Variants in CDAN1 observed in about 807,000 individuals in gnomAD.
CDAN1 encodes the protein codanin-1.
CDAN1 carries 107 observed loss-of-function variants against 139.8 expected under a neutral mutation model. That is an observed-to-expected ratio of 0.77 (90% CI 0.65 to 0.90). The LOEUF (loss-of-function observed/expected upper bound fraction) is 0.90, where lower values mean the gene tolerates loss of function less well. Ranked by LOEUF, CDAN1 falls within the 40% of genes least tolerant of loss-of-function variation. The pLI, the probability that CDAN1 is intolerant of heterozygous loss-of-function variation, is 0.00. For missense variants in CDAN1, 1,667 were observed against 1,575.7 expected (o/e 1.06, Z -0.98); for synonymous variants, 776 against 660.6 (o/e 1.17, Z -2.68).
In CDAN1 at chr15:42,737,088, C is replaced by A; in HGVS notation, c.15G>T (p.Leu5Phe). Residue 5 changes from leucine to phenylalanine, a missense_variant, in exon 1 of 28, where the codon TTG becomes TTT. By Grantham distance (22) the Leu-to-Phe change is conservative. Around this residue, in one of 3 missense-constraint regions of CDAN1, gnomAD observed 487 missense variants for 422.2 expected, o/e 1.15. Transcript: ENST00000356231. MAAVLESLLREEVSV... is the reference protein window; with the variant it reads MAAVFESLLREEVSV... ...ACACCTCTTCTCGCAGCAGCGACTC[C>A]AAAACGGCCGCCATCCCGGTCGGGG... 1 of 1,519,864 alleles carries A rather than the reference C, an allele frequency of 6.6e-7. No homozygotes were observed. 94.1% of individuals were successfully genotyped at this position (1,519,864 alleles called of 1,614,324 possible).
chr15:42,728,205 GCTGCCGGGGT>G lies in CDAN1; in HGVS notation c.2857_2866del (p.Thr953ProfsTer3). 6.2e-7 allele frequency: 1 copy of G among 1,613,484 alleles called. No homozygotes were observed. The highest frequency in any genetic ancestry group is 8.5e-7 in the Non-Finnish European group (1 of 1,179,912). On this transcript the variant is annotated frameshift_variant and splice_region_variant, in exon 21 of 28. Transcript: ENST00000356231. LOFTEE classifies it high-confidence loss of function. The stretch of plus-strand genomic sequence containing the variant: ...GCTGCAGGCCTCCCTCACACGTACG[GCTGCCGGGGT>G]CTCCTCTGGAAGCAGCGCCCGCACA...
At chr15:42,735,762 A>C (rs2061679170) in intron 3 of CDAN1, 83 bp from the exon 4 acceptor site, 1 of 1,583,002 alleles carries the variant, frequency 6.3e-7, no homozygotes, top group African/African-American at 1.3e-5. Context: ...GAAGATACCA[A>C]CAGCCCAGGA....
intron 10 of CDAN1, 92 bp downstream of exon 10, chr15:42,732,241 G>T: frequency 8.3e-7 from 1 of 1,202,120 alleles, no homozygotes; most frequent in Non-Finnish European, 1.2e-6. Flanking sequence ...GGACCTGCCA[G>T]GCTGTCTGCC....
chr15:42,724,864 T>C (rs988948483), intron 27 of CDAN1: 1 of 606,426 alleles, frequency 1.6e-6, no homozygotes, highest in Non-Finnish European at 2.9e-6. Context: ...ATCTACTTCA[T>C]CTTGAAATTA....
intron 14 of CDAN1, 142 bp downstream of exon 14, chr15:42,730,456 A>G (rs574820875): frequency 2.6e-5 from 27 of 1,025,470 alleles, no homozygotes; most frequent in Non-Finnish European, 3.6e-5. Flanking sequence ...AGGGGAGCCA[A>G]TCGTGCCTCT....
In CDAN1 at chr15:42,726,393, G is replaced by A. The variant is rs1462590355; in HGVS notation, c.3121C>T (p.Pro1041Ser). 1.3e-6 allele frequency: 2 copies of A among 1,597,264 alleles called. No individual in the cohort carries two copies. The highest frequency in any genetic ancestry group is 1.7e-6 in the Non-Finnish European group (2 of 1,172,216). ...GAGACTCCCTCGTCAGGGTCCCGTG[G>A]CCCCACGGCCAAGGAGAGCACGTCC... ...IKDVLSLAVG[P>S]RDPDEGVSPE... is the part of the protein sequence containing the mutation. Residue 1041 changes from proline to serine, a missense_variant, in exon 24 of 28, where the codon CCA (proline) becomes TCA (serine). Pro to Ser is a moderately conservative substitution (Grantham distance 74). This residue lies in a region of CDAN1 where 936 missense variants were observed against 844.1 expected (regional missense o/e 1.11). Transcript: ENST00000356231.
rs1283632944 is a variant in CDAN1 at position 42,725,186 on chromosome 15, T to C, written c.3516A>G (p.Ile1172Met). 5.0e-5 allele frequency: 81 copies of C among 1,614,114 alleles called. No homozygotes were observed. Among genetic ancestry groups the C allele is most frequent in the Non-Finnish European group, 6.6e-5 (78 of 1,180,038 alleles). Residue 1172 changes from isoleucine to methionine, a missense_variant, in exon 27 of 28, where the codon ATA (isoleucine) becomes ATG (methionine). By Grantham distance (10) the Ile-to-Met change is conservative. This residue lies in a region of CDAN1 where 936 missense variants were observed against 844.1 expected (regional missense o/e 1.11). Coordinates refer to ENST00000356231, the MANE Select transcript of CDAN1 (RefSeq NM_138477.4). ...GGTGGAGGCTGCCCAGGCAGGCCTC[T>C]ATCTCCATCCGTCCCATCAGACCCT... ...VEKGLMGRME[I>M]EACLGSLHQA...
Position 42,730,958 on chromosome 15 carries a change from C to G in CDAN1, c.1974G>C (p.Glu658Asp). ...YRGPEPPPTG[E>D]LQDSILALRS... is the part of the protein sequence containing the mutation. ...TGAGGGCCAGAATGGAGTCCTGAAG[C>G]TCACCGGTCGGGGGAGGTTCAGGCC... The change falls in exon 13 of 28, where the codon GAG (glutamate) becomes GAC (aspartate). Residue 658 changes from glutamate to aspartate, a missense_variant. Physicochemically the swap from Glu to Asp is conservative, Grantham distance 45. Transcript: ENST00000356231. 6.2e-7 allele frequency: 1 copy of G among 1,614,212 alleles called. No homozygotes were observed. Among genetic ancestry groups the G allele is most frequent in the Non-Finnish European group, 8.5e-7 (1 of 1,180,036 alleles).
At chr15:42,731,559 T>C (rs1342512425) in intron 11 of CDAN1, 61 bp downstream of exon 11, 3 of 1,574,370 alleles carry the variant, frequency 1.9e-6, no homozygotes, top group Non-Finnish European at 2.6e-6. Flanking sequence ...ATTTACCCTT[T>C]TGGGAAGCCA....
Position 42,729,046 on chromosome 15 carries a change from T to C in CDAN1, c.2622A>G (p.Gly874=). ...RTVEFVAERI[G]SNCVKHIKAT... is the part of the protein sequence containing the mutation. ...ACTTGATATGTTTGACACAGTTTGA[T>C]CCAATTCTTTCTGCCACGAACTCTA... Residue 874 remains glycine, a synonymous_variant, in exon 19 of 28, where the codon GGA becomes GGG. Coordinates refer to ENST00000356231, the MANE Select transcript of CDAN1 (RefSeq NM_138477.4). 6.2e-7 allele frequency: 1 copy of C among 1,614,132 alleles called. No homozygotes were observed. Among genetic ancestry groups the C allele is most frequent in the Non-Finnish European group, 8.5e-7 (1 of 1,180,016 alleles).
chr15:42,726,453 G>A (rs1297834381), intron 23 of CDAN1, 36 bp from the exon 24 acceptor site: 1 of 1,493,228 alleles, frequency 6.7e-7, no homozygotes, highest in Non-Finnish European at 9.2e-7. Flanking sequence ...CCTTGCGCTG[G>A]GGGCCAGGAT....
chr15:42,730,459 G>T (rs949493581), intron 14 of CDAN1, 139 bp downstream of exon 14: 1 of 1,039,154 alleles, frequency 9.6e-7, no homozygotes, highest in Non-Finnish European at 1.5e-6. Flanking sequence ...GGAGCCAATC[G>T]TGCCTCTCCC....
rs780997484 is a variant in CDAN1 at position 42,729,248 on chromosome 15, T to C, written c.2522A>G (p.Gln841Arg). The C allele has an allele frequency of 3.8e-6, 6 of 1,590,334 alleles. No homozygotes were observed. The highest frequency in any genetic ancestry group is 4.3e-6 in the Non-Finnish European group (5 of 1,166,346). ...TTTSLGAQPS[Q>R]TSQGLQAQLA... is the part of the protein sequence containing the mutation. ...CCTTACCTGCAGCCCCTGGCTGGTCTGGGAAGGCTGGGCTCCCAGGCTGGT... is the reference window on the plus strand; with the variant it reads ...CCTTACCTGCAGCCCCTGGCTGGTCCGGGAAGGCTGGGCTCCCAGGCTGGT... The change falls in exon 18 of 28, where the codon CAG (glutamine) becomes CGG (arginine). Residue 841 changes from glutamine (Q) to arginine (R), a missense_variant. Gln to Arg is a conservative substitution (Grantham distance 43). Transcript: ENST00000356231.
At chr15:42,729,694 G>A in intron 16 of CDAN1, 72 bp from the exon 17 acceptor site, 3 of 1,595,820 alleles carry the variant, frequency 1.9e-6, no homozygotes, top group Non-Finnish European at 8.6e-7. Flanking sequence ...AGTTGGCAGG[G>A]CCTTTACAAG....
In CDAN1 at chr15:42,735,773, G is replaced by A. The variant is rs1304940585; in HGVS notation, c.774-94C>T. On this transcript the variant is annotated intron_variant, in intron 3 of 27. Transcript: ENST00000356231. ...CAGAGAAGATACCAACAGCCCAGGA[G>A]ACAAACCCAGAGTCCCCAAGAGGGA... The A allele has an allele frequency of 1.9e-6, 3 of 1,584,794 alleles. No individual in the cohort carries two copies. In the African/African-American group the frequency reaches 4.0e-5, roughly 21 times the overall value.
chr15:42,725,763 T>A, intron 25 of CDAN1, 93 bp from the exon 26 acceptor site: 1 of 1,341,302 alleles, frequency 7.5e-7, no homozygotes, highest in Non-Finnish European at 1.0e-6. Context: ...GAGGCTGAGG[T>A]GGGCAGATCA....
In CDAN1 at chr15:42,735,173, G is replaced by T. The variant is rs759642028; in HGVS notation, c.1063C>A (p.Leu355Met). 5 of 1,613,408 alleles carry T rather than the reference G, an allele frequency of 3.1e-6. No individual in the cohort carries two copies. The highest frequency in any genetic ancestry group is 4.2e-6 in the Non-Finnish European group (5 of 1,179,364). Residue 355 changes from leucine to methionine, a missense_variant, in exon 6 of 28, where the codon CTG (leucine) becomes ATG (methionine). Leu to Met is a conservative substitution (Grantham distance 15). Coordinates refer to ENST00000356231, the MANE Select transcript of CDAN1 (RefSeq NM_138477.4). ...PELSPAVLDS[L>M]ESPLFQSIHD... is the part of the protein sequence containing the mutation. ...ATGCTTTGGAACAGTGGACTTTCCA[G>T]GGAATCTAGAAGGACAGTACCAAGC... is the stretch of plus-strand genomic sequence containing the variant.
rs748862062 is a variant in CDAN1, at chr15:42,732,359, G to C, written c.1507C>G (p.Arg503Gly). The C allele has an allele frequency of 1.2e-6, 2 of 1,613,890 alleles. No homozygotes were observed. Among genetic ancestry groups the C allele is most frequent in the Admixed American group, 1.7e-5 (1 of 59,998 alleles). The change falls in exon 10 of 28, where the codon CGG becomes GGG. Residue 503 changes from arginine (R) to glycine (G), a missense_variant. By Grantham distance (125) the Arg-to-Gly change is moderately radical. Coordinates refer to ENST00000356231, the MANE Select transcript of CDAN1 (RefSeq NM_138477.4). ...TGGAGTAGTTGTTTTTGGAAAAGCCGAACAAAGTGGCTGTGGCTGCAGGCT... is the reference window on the plus strand; with the variant it reads ...TGGAGTAGTTGTTTTTGGAAAAGCCCAACAAAGTGGCTGTGGCTGCAGGCT... ...SAACSHSHFV[R>G]LFQKQLLQMC...
chr15:42,724,609 G>T lies in CDAN1; in HGVS notation c.3566C>A (p.Ala1189Asp), dbSNP rs1428844576. ...ATTAGACAGTGTTGCTAATTCTTCA[G>T]CAAAGTCCTGGAATACATAGAAAGA... is the stretch of plus-strand genomic sequence containing the variant. Reference protein sequence around the residue: ...LHQAQWPGDFAEELATLSNLF... With the variant: ...LHQAQWPGDFDEELATLSNLF... The change falls in exon 28 of 28, where the codon GCT becomes GAT. Residue 1189 changes from alanine (A) to aspartate (D), a missense_variant. Coordinates refer to ENST00000356231, the MANE Select transcript of CDAN1 (RefSeq NM_138477.4). 13 of 1,552,156 alleles carry T rather than the reference G, an allele frequency of 8.4e-6. No individual in the cohort carries two copies. The highest frequency in any genetic ancestry group is 1.1e-5 in the Non-Finnish European group (13 of 1,147,032).
Sources: gnomAD v4.1 joint callset for allele counts on GRCh38, gnomAD v4.1.1 for gene constraint, gnomAD v4.1.1 regional missense constraint, MANE v1.5 for transcripts, NCBI Gene and HGNC (gene_info 2026-07-23, HGNC 2026-07-21) for gene names.